Variants in DNAJC12 observed in about 807,000 individuals in gnomAD.
DNAJC12 encodes DnaJ heat shock protein family (Hsp40) member C12.
In DNAJC12, 25 loss-of-function variants were observed where a neutral mutation model predicts 28.5. That is an observed-to-expected ratio of 0.88 (90% CI 0.64 to 1.22). The LOEUF is 1.22. DNAJC12 is among the 50% of genes most tolerant of loss of function. The probability of loss-of-function intolerance (pLI) is 0.00; values close to 1 mark genes in which losing one functional copy is unlikely to be tolerated. For synonymous variants in DNAJC12, 77 were observed against 80.6 expected, an observed-to-expected ratio of 0.95 and a Z score of 0.24; for missense variants, 222 against 231.7, an observed-to-expected ratio of 0.96 and a Z score of 0.27.
rs766635730 is a variant in DNAJC12 at position 67,823,308 on chromosome 10, T to C, written c.157+6A>G. On this transcript the variant is annotated splice_donor_region_variant and intron_variant, in intron 2 of 4. Transcript: ENST00000225171. ...TCTTGAGAAGTAGCCTTTATTAAGTTCTTACCAGCTTTGGGGTTTTCAGGA... is the reference window on the plus strand; with the variant it reads ...TCTTGAGAAGTAGCCTTTATTAAGTCCTTACCAGCTTTGGGGTTTTCAGGA... The C allele has an allele frequency of 5.0e-6, 8 of 1,613,556 alleles. No individual in the cohort carries two copies. Among genetic ancestry groups the C allele is most frequent in the Non-Finnish European group, 6.8e-6 (8 of 1,179,484 alleles).
At chr10:67,810,101 C>T (rs1841844387) in intron 3 of DNAJC12, among the ~76,000 whole-genome samples, 2 of 152,092 alleles carry the variant, frequency 1.3e-5, no homozygotes, top group South Asian at 4.1e-4. Flanking sequence ...CCTCAGGAAA[C>T]TTACAATCAT....
In DNAJC12 at chr10:67,801,424, C is replaced by T. The variant is rs186799524; in HGVS notation, c.502+4159G>A. Among the ~76,000 whole-genome samples the T allele has an allele frequency of 2.4e-4, 36 of 152,282 alleles. No individual in the cohort carries two copies. In the East Asian group the frequency reaches 4.2e-3, roughly 18 times the overall value. On this transcript the variant is annotated intron_variant, in intron 4 of 4. Transcript: ENST00000225171. ...TCAGAAAAGCCAATAATCTTTTAAACAGCATAAAGAAAATACTTGTAAATG... is the reference window on the plus strand; with the variant it reads ...TCAGAAAAGCCAATAATCTTTTAAATAGCATAAAGAAAATACTTGTAAATG...
chr10:67,824,870 A>G (rs12269658), intron 1 of DNAJC12, among the ~76,000 whole-genome samples: 17,546 of 152,000 alleles, frequency 0.12, 1,021 homozygotes, highest in South Asian at 0.15. Flanking sequence ...AGTAGCTGGG[A>G]TTACAGGTGC....
intron 2 of DNAJC12, among the ~76,000 whole-genome samples, chr10:67,813,754 T>A (rs2131799193): frequency 6.9e-6 from 1 of 145,272 alleles, no homozygotes; most frequent in South Asian, 2.2e-4. Flanking sequence ...CAAGACTCTG[T>A]CTCAAAAGAA....
chr10:67,831,244 A>G (rs1842090999), intron 1 of DNAJC12, among the ~76,000 whole-genome samples: 1 of 152,172 alleles, frequency 6.6e-6, no homozygotes, highest in Non-Finnish European at 1.5e-5. Context: ...ATTTATATAC[A>G]TATACAGATA....
At position 67,833,785 on chromosome 10, in the gene DNAJC12, T is replaced by C. The variant is rs1211380319; in HGVS notation, c.78+4149A>G. 1.6e-5 allele frequency: 8 copies of C among 492,758 alleles called. 1 individual carries two copies. Among genetic ancestry groups the C allele is most frequent in the East Asian group, 1.2e-4 (2 of 16,776 alleles). 30.5% of individuals were successfully genotyped at this position (492,758 alleles called of 1,614,324 possible). On this transcript the variant is annotated intron_variant, in intron 1 of 4. Coordinates refer to ENST00000225171, the MANE Select transcript of DNAJC12 (RefSeq NM_021800.3). ...GCCATGGCCAGTACAATGGTAGCAG[T>C]TGGACTGACCATTGCTGCTGCAGGA... is the stretch of plus-strand genomic sequence containing the variant.
intron 3 of DNAJC12, among the ~76,000 whole-genome samples, chr10:67,809,427 A>C (rs2131795749): frequency 6.6e-6 from 1 of 152,260 alleles, no homozygotes; most frequent in Admixed American, 6.5e-5. Flanking sequence ...TTTTCAAACC[A>C]ATACTACATG....
chr10:67,812,867 A>G (rs1452328417), intron 2 of DNAJC12, among the ~76,000 whole-genome samples: 1 of 150,672 alleles, frequency 6.6e-6, no homozygotes, highest in African/African-American at 2.4e-5. Flanking sequence ...AAAAAAACAA[A>G]AAAAAGTAGC....
intron 1 of DNAJC12, chr10:67,834,220 T>C: frequency 3.0e-6 from 1 of 334,742 alleles, no homozygotes; most frequent in Non-Finnish European, 5.9e-6. Flanking sequence ...TTAGGTATGA[T>C]GTTAACATAA....
chr10:67,836,050 G>A (rs1842139770), intron 1 of DNAJC12, among the ~76,000 whole-genome samples: 1 of 152,114 alleles, frequency 6.6e-6, no homozygotes, highest in African/African-American at 2.4e-5. Flanking sequence ...CCTTTGCAGG[G>A]ACATGGATGA....
Position 67,811,665 on chromosome 10 carries a change from T to G in DNAJC12, c.158-2A>C. On this transcript the variant is annotated splice_acceptor_variant, in intron 2 of 4. Coordinates refer to ENST00000225171, the MANE Select transcript of DNAJC12 (RefSeq NM_021800.3). LOFTEE classifies it high-confidence loss of function. ...TCTGCAGTTTCTGAAAAGTCTCCAC[T>G]GGAAAACAAATCAAGAAATGAGCAC... 6.2e-7 allele frequency: 1 copy of G among 1,610,172 alleles called. No individual in the cohort carries two copies. Among genetic ancestry groups the G allele is most frequent in the Non-Finnish European group, 8.5e-7 (1 of 1,178,182 alleles).
intron 1 of DNAJC12, 34 bp from the exon 2 acceptor site, chr10:67,823,426 C>T (rs751725302): frequency 6.3e-7 from 1 of 1,596,244 alleles, no homozygotes; most frequent in East Asian, 2.2e-5. Context: ...AATAAAGAGT[C>T]ATGCCAGGCG....
intron 3 of DNAJC12, among the ~76,000 whole-genome samples, chr10:67,808,935 T>C (rs1253781748): frequency 2.0e-5 from 3 of 152,312 alleles, no homozygotes; most frequent in East Asian, 3.9e-4. Flanking sequence ...TAGGAAGCTT[T>C]CTGGATAGGT....
intron 2 of DNAJC12, among the ~76,000 whole-genome samples, chr10:67,820,945 G>A (rs769434485): frequency 1.3e-5 from 2 of 151,748 alleles, no homozygotes; most frequent in African/African-American, 2.4e-5. Context: ...CACTAGGCCC[G>A]GCTCACTTTG....
At chr10:67,808,441 G>T (rs1841824968) in intron 3 of DNAJC12, 1 of 151,882 alleles carries the variant, frequency 6.6e-6, no homozygotes, top group African/African-American at 2.4e-5. Context: ...GAACGAGTTG[G>T]TTTTTTTTCT....
intron 1 of DNAJC12, among the ~76,000 whole-genome samples, chr10:67,829,743 C>G (rs1335042061): frequency 6.6e-6 from 1 of 152,126 alleles, no homozygotes; most frequent in Non-Finnish European, 1.5e-5. Flanking sequence ...ATTCTTACAA[C>G]CTATATGTCC....
intron 1 of DNAJC12, among the ~76,000 whole-genome samples, chr10:67,832,901 C>A (rs193244071): frequency 4.4e-4 from 67 of 152,278 alleles, no homozygotes; most frequent in Non-Finnish European, 9.1e-4. Context: ...ATTTCATGCA[C>A]CCCCACATGA....
intron 2 of DNAJC12, among the ~76,000 whole-genome samples, chr10:67,818,234 T>C (rs1841935359): frequency 1.3e-5 from 2 of 152,128 alleles, no homozygotes; most frequent in Admixed American, 1.3e-4. Flanking sequence ...TTTTCATCAG[T>C]AACCTTAATC....
At chr10:67,835,424 G>A (rs1246527472) in intron 1 of DNAJC12, among the ~76,000 whole-genome samples, 6 of 152,122 alleles carry the variant, frequency 3.9e-5, no homozygotes, top group Non-Finnish European at 8.8e-5. Context: ...AGGTGCGGTG[G>A]CTCACGTCTG....
Sources: allele counts gnomAD v4.1 joint callset (sites outside exome capture counted in the v4.1 genomes callset), GRCh38; gene constraint gnomAD v4.1.1; transcripts MANE v1.5; gene names NCBI Gene and HGNC (gene_info 2026-07-23, HGNC 2026-07-21).